Variants in CTIF observed in about 807,000 individuals in gnomAD.
CTIF encodes cap binding complex dependent translation initiation factor.
Under a neutral mutation model 66.0 loss-of-function variants are expected in CTIF, and 21 were observed. The observed-to-expected ratio is 0.32, with a 90% confidence interval of 0.23 to 0.46. CTIF has a LOEUF of 0.46. Ranked by LOEUF, CTIF falls within the 20% of genes least tolerant of loss-of-function variation. The pLI is 1.00. For synonymous variants in CTIF, 345 were observed against 326.4 expected, an observed-to-expected ratio of 1.06 and a Z score of -0.62; for missense variants, 739 against 812.7, an observed-to-expected ratio of 0.91 and a Z score of 1.10.
chr18:48,663,558 A>G (rs2091382039), intron 3 of CTIF, among the ~76,000 whole-genome samples, 194 bp from the exon 4 acceptor site: 1 of 151,988 alleles, frequency 6.6e-6, no homozygotes, highest in Admixed American at 6.5e-5. Context: ...ATAAAACCTC[A>G]GTGAAACGAG....
intron 2 of CTIF, among the ~76,000 whole-genome samples, chr18:48,635,519 G>T (rs1231330536): frequency 6.6e-6 from 1 of 151,842 alleles, no homozygotes; most frequent in Admixed American, 6.6e-5. Context: ...TAGGGACAAG[G>T]TGTCTCTATG....
Position 48,604,168 on chromosome 18 carries a change from GTTTTTTTTTTTT to G in CTIF, c.-28-15355_-28-15344del, listed in dbSNP as rs34544217. 2.8e-4 allele frequency among the ~76,000 whole-genome samples: 18 copies of G among 63,286 alleles called. No individual in the cohort carries two copies. In the South Asian group the frequency reaches 0.014, roughly 50 times the overall value. The allele number at this position is 63,286 out of a possible 152,430, so 41.5% of individuals were successfully genotyped here. On this transcript the variant is annotated intron_variant, in intron 1 of 11. Coordinates refer to ENST00000256413, the MANE Select transcript of CTIF (RefSeq NM_014772.3). ...TGACTCCGTGATTTTTTTTTTAAGG[GTTTTTTTTTTTT>G]TTTTTTTTTTTTTTGAGACGGGTCT...
At chr18:48,619,853 A>C (rs934959481) in intron 2 of CTIF, 108 bp downstream of exon 2, 2 of 1,091,850 alleles carry the variant, frequency 1.8e-6, no homozygotes, top group African/African-American at 1.6e-5. Flanking sequence ...CCGCCAAGGC[A>C]TGAATGGTCC....
chr18:48,676,666 G>A (rs2091634924), intron 6 of CTIF, among the ~76,000 whole-genome samples: 1 of 151,946 alleles, frequency 6.6e-6, no homozygotes, highest in South Asian at 2.1e-4. Context: ...ATTCCCCATT[G>A]AGGGTCCCCA....
At chr18:48,606,097 G>A in intron 1 of CTIF, among the ~76,000 whole-genome samples, 1 of 152,196 alleles carries the variant, frequency 6.6e-6, no homozygotes, top group Non-Finnish European at 1.5e-5. Flanking sequence ...CAAGGTAGTG[G>A]ATATGGCTTG....
chr18:48,661,469 G>A (rs963163173), intron 3 of CTIF, among the ~76,000 whole-genome samples: 4 of 152,160 alleles, frequency 2.6e-5, no homozygotes, highest in African/African-American at 7.2e-5. Flanking sequence ...GGCCCAGGAG[G>A]GGGGTGTGAA....
Position 48,730,387 on chromosome 18 carries a change from C to T in CTIF, c.584+18692C>T, listed in dbSNP as rs568133295. Reference sequence around the variant, plus strand: ...GGGGCCCCTGCGGTGTGAGGGGCTCCTGCTGTGTGAGGGGCTTCCACGGTG... The same window carrying T: ...GGGGCCCCTGCGGTGTGAGGGGCTCTTGCTGTGTGAGGGGCTTCCACGGTG... On this transcript the variant is annotated intron_variant, in intron 7 of 11. Coordinates refer to ENST00000256413, the MANE Select transcript of CTIF (RefSeq NM_014772.3). 7.7e-4 allele frequency among the ~76,000 whole-genome samples: 110 copies of T among 143,408 alleles called. 1 individual carries two copies. Among genetic ancestry groups the T allele is most frequent in the Non-Finnish European group, 1.4e-3 (89 of 64,988 alleles). 94.1% of individuals were successfully genotyped at this position (143,408 alleles called of 152,430 possible).
chr18:48,581,935 C>T (rs888484414), intron 1 of CTIF, among the ~76,000 whole-genome samples: 1 of 152,096 alleles, frequency 6.6e-6, no homozygotes, highest in African/African-American at 2.4e-5. Context: ...CAAAGCGGGG[C>T]AGACCTTCTG....
At chr18:48,743,732 C>T (rs1211852542) in intron 7 of CTIF, among the ~76,000 whole-genome samples, 1 of 152,142 alleles carries the variant, frequency 6.6e-6, no homozygotes, top group East Asian at 1.9e-4. Context: ...AATCTAAAAA[C>T]TGTATTTGAC....
chr18:48,781,366 T>A (rs1316436258), intron 9 of CTIF, among the ~76,000 whole-genome samples: 1 of 152,100 alleles, frequency 6.6e-6, no homozygotes, highest in East Asian at 1.9e-4. Flanking sequence ...CGTCACAGTC[T>A]AGGGCAAAGA....
chr18:48,748,044 T>G (rs1907419320), intron 7 of CTIF, among the ~76,000 whole-genome samples: 3 of 152,064 alleles, frequency 2.0e-5, no homozygotes, highest in African/African-American at 7.2e-5. Context: ...TTTCCACCAG[T>G]CCCAAGATGG....
At chr18:48,720,556 C>T (rs1012074258) in intron 7 of CTIF, among the ~76,000 whole-genome samples, 4 of 152,276 alleles carry the variant, frequency 2.6e-5, no homozygotes, top group African/African-American at 9.6e-5. Flanking sequence ...CAAACCCCCA[C>T]CTGGCAGGCA....
At chr18:48,605,206 A>G (rs971706946) in intron 1 of CTIF, among the ~76,000 whole-genome samples, 5 of 152,174 alleles carry the variant, frequency 3.3e-5, no homozygotes, top group African/African-American at 1.2e-4. Flanking sequence ...ACCATTCCAT[A>G]TGGTTTTCCA....
chr18:48,730,531 CTGTGGTG>C (rs1305219841), intron 7 of CTIF, among the ~76,000 whole-genome samples: 5 of 67,728 alleles, frequency 7.4e-5, no homozygotes, highest in Non-Finnish European at 1.2e-4. Context: ...TGAGGGGCCC[CTGTGGTG>C]TGAGGGGCTT....
intron 9 of CTIF, among the ~76,000 whole-genome samples, chr18:48,782,944 T>C (rs1202420373): frequency 1.3e-5 from 2 of 152,210 alleles, no homozygotes; most frequent in Non-Finnish European, 2.9e-5. Flanking sequence ...GAGTGGGAAG[T>C]GGGGAGCTTC....
At chr18:48,711,528 T>C in intron 6 of CTIF, 91 bp from the exon 7 acceptor site, 1 of 967,650 alleles carries the variant, frequency 1.0e-6, no homozygotes, top group Non-Finnish European at 1.6e-6. Context: ...TCTTTCTGTC[T>C]TAGATGCTGG....
chr18:48,676,048 A>G (rs2091623748), intron 6 of CTIF, among the ~76,000 whole-genome samples: 1 of 151,050 alleles, frequency 6.6e-6, no homozygotes, highest in South Asian at 2.1e-4. Context: ...GGACCCCTTT[A>G]CTCTGAGGTG....
intron 6 of CTIF, among the ~76,000 whole-genome samples, chr18:48,696,919 A>C (rs2092017332): frequency 6.6e-6 from 1 of 152,184 alleles, no homozygotes; most frequent in South Asian, 2.1e-4. Flanking sequence ...TTGTCCTCGG[A>C]GAGCTTACAG....
chr18:48,855,721 CA>C (rs1415530356), intron 10 of CTIF, among the ~76,000 whole-genome samples: 1 of 152,194 alleles, frequency 6.6e-6, no homozygotes, highest in Non-Finnish European at 1.5e-5. Flanking sequence ...AGGGAAGCAA[CA>C]AAACCTCACC....
Sources: gnomAD v4.1 joint callset for allele counts (sites outside exome capture counted in the v4.1 genomes callset) on GRCh38, gnomAD v4.1.1 for gene constraint, MANE v1.5 for transcripts, NCBI Gene and HGNC (gene_info 2026-07-23, HGNC 2026-07-21) for gene names.